PDE4D: variants seen among roughly 807,000 people sequenced by gnomAD.
The protein encoded by PDE4D is phosphodiesterase 4D, also known as 3',5'-cyclic-AMP phosphodiesterase 4D.
PDE4D carries 24 observed loss-of-function variants against 87.4 expected under a neutral mutation model. The ratio of observed to expected loss-of-function variants is 0.27; its 90% CI spans 0.20 to 0.39. PDE4D has a LOEUF of 0.39. PDE4D is among the 10% of genes least tolerant of loss of function. The pLI is 1.00. For synonymous variants in PDE4D, 384 were observed against 383.2 expected, an observed-to-expected ratio of 1.00 and a Z score of -0.02; for missense variants, 714 against 1,041.0, an observed-to-expected ratio of 0.69 and a Z score of 4.32.
chr5:60,478,889 A>C (rs1018232138), intron 1 of PDE4D, among the ~76,000 whole-genome samples: 1 of 152,206 alleles, frequency 6.6e-6, no homozygotes, highest in Non-Finnish European at 1.5e-5. Context: ...TATGAGGAGA[A>C]AGTGAACCAA....
intron 2 of PDE4D, among the ~76,000 whole-genome samples, chr5:60,165,851 C>T (rs1782844276): frequency 6.6e-6 from 1 of 151,522 alleles, no homozygotes. Context: ...CTTTTGATTG[C>T]AGAATTTAAT....
At chr5:60,279,688 T>TC (rs1339051813) in intron 1 of PDE4D, among the ~76,000 whole-genome samples, 4 of 151,444 alleles carry the variant, frequency 2.6e-5, no homozygotes, top group Non-Finnish European at 4.4e-5. Context: ...TGATTTCTTT[T>TC]TTTTTTTTTT....
chr5:59,439,572 A>C (rs1379990601), intron 1 of PDE4D, among the ~76,000 whole-genome samples: 1 of 152,240 alleles, frequency 6.6e-6, no homozygotes, highest in Non-Finnish European at 1.5e-5. Flanking sequence ...TAGCAAATAG[A>C]ACACATGCAA....
chr5:59,391,549 C>T (rs561692700), intron 1 of PDE4D, among the ~76,000 whole-genome samples: 3 of 152,156 alleles, frequency 2.0e-5, no homozygotes, highest in Non-Finnish European at 4.4e-5. Context: ...CCCTTATTCC[C>T]CTAAAGTCAT....
intron 5 of PDE4D, among the ~76,000 whole-genome samples, chr5:59,177,590 C>A (rs1421060677): frequency 1.3e-5 from 2 of 152,106 alleles, no homozygotes; most frequent in Non-Finnish European, 2.9e-5. Context: ...CTGCCCAGGG[C>A]CACAAAGCTC....
chr5:59,852,771 C>T (rs1744869844), intron 1 of PDE4D, among the ~76,000 whole-genome samples: 1 of 151,654 alleles, frequency 6.6e-6, no homozygotes, highest in Admixed American at 6.6e-5. Flanking sequence ...AAATTGAGTC[C>T]CCTCTCCAGG....
intron 3 of PDE4D, among the ~76,000 whole-genome samples, chr5:59,913,956 A>C (rs1454637878): frequency 3.9e-5 from 6 of 152,088 alleles, no homozygotes; most frequent in Admixed American, 3.3e-4. Flanking sequence ...AATAATAAAA[A>C]CCATCAAATC....
At chr5:59,078,303 A>G (rs1561444430) in intron 5 of PDE4D, among the ~76,000 whole-genome samples, 2 of 152,198 alleles carry the variant, frequency 1.3e-5, no homozygotes, top group African/African-American at 2.4e-5. Flanking sequence ...TCTCCAAAAC[A>G]TAGTAAGTGC....
At chr5:60,179,839 A>G (rs550820960) in intron 2 of PDE4D, among the ~76,000 whole-genome samples, 37 of 152,314 alleles carry the variant, frequency 2.4e-4, no homozygotes, top group African/African-American at 8.2e-4. Context: ...ATAAGCAGCC[A>G]TTATAAACAT....
At chr5:59,956,950 C>T (rs1758898421) in intron 3 of PDE4D, among the ~76,000 whole-genome samples, 1 of 151,944 alleles carries the variant, frequency 6.6e-6, no homozygotes. Context: ...TTCTGAAAAA[C>T]AAGGCAATAA....
chr5:59,848,188 A>G (rs1187875358), intron 1 of PDE4D, among the ~76,000 whole-genome samples: 1 of 152,090 alleles, frequency 6.6e-6, no homozygotes, highest in Non-Finnish European at 1.5e-5. Flanking sequence ...TGCATAAAGA[A>G]AAGACCCTCT....
chr5:59,681,774 G>A (rs1313368547), intron 1 of PDE4D, among the ~76,000 whole-genome samples: 4 of 151,812 alleles, frequency 2.6e-5, no homozygotes, highest in Non-Finnish European at 5.9e-5. Context: ...GTGGTGGTGG[G>A]TGCCTGTAGT....
intron 1 of PDE4D, among the ~76,000 whole-genome samples, chr5:59,649,451 T>G (rs1743007997): frequency 6.6e-6 from 1 of 151,876 alleles, no homozygotes; most frequent in Non-Finnish European, 1.5e-5. Flanking sequence ...GATAAGTAAT[T>G]GAAATTGGTT....
intron 1 of PDE4D, among the ~76,000 whole-genome samples, chr5:60,294,293 T>C (rs558330645): frequency 1.3e-5 from 2 of 152,344 alleles, no homozygotes; most frequent in African/African-American, 4.8e-5. Context: ...TTGGTCTTTA[T>C]CTTATTAATG....
intron 2 of PDE4D, among the ~76,000 whole-genome samples, chr5:60,038,518 G>A (rs1375256500): frequency 6.6e-6 from 1 of 151,982 alleles, no homozygotes; most frequent in Non-Finnish European, 1.5e-5. Context: ...TGCTGTTTTG[G>A]TTACTGTAGC....
At chr5:59,626,555 A>G (rs1035627135) in intron 1 of PDE4D, among the ~76,000 whole-genome samples, 4 of 152,226 alleles carry the variant, frequency 2.6e-5, no homozygotes, top group African/African-American at 9.6e-5. Flanking sequence ...GTTTACAAAA[A>G]TGGAAAGCTT....
chr5:59,373,016 A>AG (rs201728535), intron 1 of PDE4D, among the ~76,000 whole-genome samples: 1,872 of 152,030 alleles, frequency 0.012, 19 homozygotes, highest in Non-Finnish European at 0.016. Context: ...TAAAAGGAAA[A>AG]AAAAAACATT....
At chr5:58,998,690 G>A (rs1749788475) in intron 6 of PDE4D, among the ~76,000 whole-genome samples, 2 of 152,102 alleles carry the variant, frequency 1.3e-5, no homozygotes, top group African/African-American at 2.4e-5. Context: ...AAAATCCTCA[G>A]AGTAACAGAA....
intron 1 of PDE4D, among the ~76,000 whole-genome samples, chr5:60,443,247 A>T (rs1745381864): frequency 1.3e-5 from 2 of 152,154 alleles, no homozygotes; most frequent in South Asian, 4.1e-4. Context: ...CAGTGTATGA[A>T]GAAAAGGTGT....
Sources: allele counts gnomAD v4.1 joint callset (sites outside exome capture counted in the v4.1 genomes callset), GRCh38; gene constraint gnomAD v4.1.1; transcripts MANE v1.5; gene names NCBI Gene and HGNC (gene_info 2026-07-23, HGNC 2026-07-21).